SHROOM2: variants seen among roughly 807,000 people sequenced by gnomAD.
The protein encoded by SHROOM2 is protein Shroom2.
Under a neutral mutation model 75.9 loss-of-function variants are expected in SHROOM2, and 33 were observed. That is an observed-to-expected ratio of 0.43 (90% CI 0.33 to 0.58). SHROOM2 has a LOEUF of 0.58. Among genes scored for constraint, SHROOM2 ranks in the 20% least tolerant of loss-of-function variants. The pLI, the probability that SHROOM2 is intolerant of heterozygous loss-of-function variation, is 0.04. For missense variants in SHROOM2, 1,434 were observed against 1,461.2 expected (o/e 0.98, Z 0.30); for synonymous variants, 655 against 663.6 (o/e 0.99, Z 0.20).
intron 1 of SHROOM2, among the ~76,000 whole-genome samples, chrX:9,846,069 G>T (rs2084004891): frequency 9.5e-6 from 1 of 105,366 alleles, no homozygotes; most frequent in Non-Finnish European, 1.9e-5. Context: ...ATTGTTTCTG[G>T]TGGCAGTTGT....
chrX:9,789,647 A>C (rs1307079780), intron 1 of SHROOM2, among the ~76,000 whole-genome samples: 1 of 111,174 alleles, frequency 9.0e-6, no homozygotes, highest in Non-Finnish European at 1.9e-5. Flanking sequence ...AGTGGCTTGA[A>C]TTCCACAAAG....
At chrX:9,908,161 T>C (rs2084401806) in intron 5 of SHROOM2, among the ~76,000 whole-genome samples, 1 of 112,835 alleles carries the variant, frequency 8.9e-6, no homozygotes, top group Non-Finnish European at 1.9e-5. Flanking sequence ...GAGGGGGCTG[T>C]AGCTTGTTCA....
chrX:9,812,367 G>A (rs1236364508), intron 1 of SHROOM2, among the ~76,000 whole-genome samples: 3 of 111,594 alleles, frequency 2.7e-5, no homozygotes, highest in African/African-American at 3.2e-5. Flanking sequence ...GCAGCCTTTC[G>A]GGTCACTCGA....
At chrX:9,926,781 A>G (rs764674247) in intron 5 of SHROOM2, among the ~76,000 whole-genome samples, 3 of 111,247 alleles carry the variant, frequency 2.7e-5, no homozygotes, top group Non-Finnish European at 5.6e-5. Context: ...CCTTCAGGCT[A>G]TCTATATAAA....
chrX:9,929,536 C>T (rs1050421783), intron 5 of SHROOM2, among the ~76,000 whole-genome samples: 1 of 111,519 alleles, frequency 9.0e-6, no homozygotes, highest in Admixed American at 9.5e-5. Context: ...CAGTGGGTCT[C>T]TTGCTCCATG....
At chrX:9,946,617 C>G in intron 9 of SHROOM2, 54 bp from the exon 10 acceptor site, 1 of 1,143,273 alleles carries the variant, frequency 8.7e-7, no homozygotes, top group East Asian at 3.1e-5. Flanking sequence ...CAAGGGTTGG[C>G]CAGTGCCCCA....
In SHROOM2 at chrX:9,911,932, AT is replaced by A. The variant is rs1477314179; in HGVS notation, c.2891+13643del. Among the ~76,000 whole-genome samples the A allele has an allele frequency of 4.5e-5, 5 of 110,169 alleles. No homozygotes were observed. In the East Asian group the frequency reaches 1.4e-3, roughly 31 times the overall value. On this transcript the variant is annotated intron_variant, in intron 5 of 9. Transcript: ENST00000380913. ...GTAACATCAGTGCAGTGGGCTTTCT[AT>A]ATTTCCCCGTTAAAATATAAGAAGT...
chrX:9,803,170 G>A (rs1407759435), intron 1 of SHROOM2, among the ~76,000 whole-genome samples: 1 of 105,202 alleles, frequency 9.5e-6, no homozygotes, highest in African/African-American at 3.5e-5. Context: ...GAACTCCTGA[G>A]CTCAAGCAGT....
Position 9,937,357 on chromosome X carries a change from G to C in SHROOM2, c.3811G>C (p.Glu1271Gln), listed in dbSNP as rs1378544640. 2.5e-6 allele frequency: 3 copies of C among 1,202,890 alleles called. No homozygotes were observed. Among genetic ancestry groups the C allele is most frequent in the African/African-American group, 3.5e-5 (2 of 57,017 alleles). The stretch of plus-strand genomic sequence containing the variant: ...GTACACGCGGCAGGGTGCTGAGCCC[G>C]AGGCCCCACATAGGGCCCAGCCGGC... ...CLYTRQGAEPEAPHRAQPAEP... is the reference protein window; with the variant it reads ...CLYTRQGAEPQAPHRAQPAEP... The change falls in exon 7 of 10, where the codon GAG becomes CAG. Residue 1271 changes from glutamate to glutamine, a missense_variant. Physicochemically the swap from Glu to Gln is conservative, Grantham distance 29. Around this residue, in one of 3 missense-constraint regions of SHROOM2, gnomAD observed 1,340 missense variants for 1,338.3 expected, o/e 1.00. Transcript: ENST00000380913.
At chrX:9,832,114 G>A (rs1356887007) in intron 1 of SHROOM2, among the ~76,000 whole-genome samples, 1 of 112,135 alleles carries the variant, frequency 8.9e-6, no homozygotes, top group Non-Finnish European at 1.9e-5. Flanking sequence ...TCTTTCGTGT[G>A]TTCTCTTTGT....
intron 5 of SHROOM2, among the ~76,000 whole-genome samples, chrX:9,925,632 C>T (rs763437362): frequency 1.8e-5 from 2 of 112,692 alleles, no homozygotes; most frequent in South Asian, 3.7e-4. Context: ...TCTGTGCACA[C>T]AGTTCCGGTC....
At chrX:9,804,919 G>A (rs1394533456) in intron 1 of SHROOM2, among the ~76,000 whole-genome samples, 1 of 110,900 alleles carries the variant, frequency 9.0e-6, no homozygotes, top group African/African-American at 3.3e-5. Context: ...CAAGTCACAT[G>A]GCATTGGAGT....
intron 2 of SHROOM2, among the ~76,000 whole-genome samples, chrX:9,879,172 A>T (rs2084218104): frequency 8.9e-6 from 1 of 111,776 alleles, no homozygotes; most frequent in Admixed American, 9.5e-5. Flanking sequence ...TCCTGGGCTC[A>T]AGTGATCCTC....
intron 5 of SHROOM2, among the ~76,000 whole-genome samples, chrX:9,908,110 C>T (rs137958091): frequency 2.4e-3 from 275 of 112,646 alleles, no homozygotes; most frequent in African/African-American, 8.5e-3. Flanking sequence ...TCTCCCCATC[C>T]CTAGTGTGGT....
chrX:9,857,756 C>T (rs1001217162), intron 1 of SHROOM2, among the ~76,000 whole-genome samples: 4 of 110,860 alleles, frequency 3.6e-5, no homozygotes, highest in African/African-American at 1.3e-4. Flanking sequence ...TTACCCACCC[C>T]GCCCCCGAAA....
chrX:9,855,072 T>TA lies in SHROOM2; in HGVS notation c.166-18565dup, dbSNP rs1161845672. 3.2e-3 allele frequency among the ~76,000 whole-genome samples: 304 copies of TA among 94,556 alleles called. 1 individual carries two copies. The highest frequency in any genetic ancestry group is 5.8e-3 in the African/African-American group (151 of 26,183). 82.1% of individuals were successfully genotyped at this position (94,556 alleles called of 115,157 possible). On this transcript the variant is annotated intron_variant, in intron 1 of 9. Coordinates refer to ENST00000380913, the MANE Select transcript of SHROOM2 (RefSeq NM_001649.4). ...ATATGTGTAAGTGGTCCACTCTTTT[T>TA]AAAAAAAAAAAAAAAGGCATCCTCA...
intron 2 of SHROOM2, among the ~76,000 whole-genome samples, chrX:9,882,337 G>A (rs766518140): frequency 9.9e-6 from 1 of 100,919 alleles, no homozygotes; most frequent in Non-Finnish European, 1.9e-5. Context: ...TGAATGTGCT[G>A]AGTTTCTTTG....
chrX:9,921,667 T>A (rs935123212), intron 5 of SHROOM2, among the ~76,000 whole-genome samples: 11 of 112,215 alleles, frequency 9.8e-5, no homozygotes, highest in Admixed American at 2.8e-4. Flanking sequence ...ATTTGAAAGT[T>A]TAAAATTCTT....
intron 1 of SHROOM2, among the ~76,000 whole-genome samples, chrX:9,793,393 G>A (rs1206240637): frequency 4.6e-5 from 5 of 108,501 alleles, no homozygotes; most frequent in Non-Finnish European, 9.6e-5. Context: ...GGGTTCAAGC[G>A]ATCCTCCCAC....
Sources: gnomAD v4.1 joint callset for allele counts (sites outside exome capture counted in the v4.1 genomes callset) on GRCh38, gnomAD v4.1.1 for gene constraint, gnomAD v4.1.1 regional missense constraint, MANE v1.5 for transcripts, NCBI Gene and HGNC (gene_info 2026-07-23, HGNC 2026-07-21) for gene names.